Variants in RBFOX1 observed in about 807,000 individuals in gnomAD.
RBFOX1 encodes RNA binding protein fox-1 homolog 1.
In RBFOX1, 8 loss-of-function variants were observed where a neutral mutation model predicts 57.7. That is an observed-to-expected ratio of 0.14 (90% CI 0.08 to 0.25). The LOEUF is 0.25. RBFOX1 is among the 10% of genes least tolerant of loss of function. The probability of loss-of-function intolerance (pLI) is 1.00; values close to 1 mark genes in which losing one functional copy is unlikely to be tolerated. For synonymous variants in RBFOX1, 326 were observed against 222.4 expected (o/e 1.47, Z -4.15); for missense variants, 611 against 548.5 (o/e 1.11, Z -1.14).
intron 4 of RBFOX1, among the ~76,000 whole-genome samples, chr16:7,302,146 G>T (rs1341804010): frequency 6.6e-6 from 1 of 152,114 alleles, no homozygotes; most frequent in African/African-American, 2.4e-5. Flanking sequence ...ACATGCTACT[G>T]TGTCCCTGAT....
chr16:6,851,800 C>T (rs1030695772), intron 3 of RBFOX1, among the ~76,000 whole-genome samples: 1 of 152,198 alleles, frequency 6.6e-6, no homozygotes, highest in African/African-American at 2.4e-5. Context: ...TTAACTCCTT[C>T]CTCTGGGCAT....
At chr16:5,515,491 T>C (rs2043759383) in intron 2 of RBFOX1, among the ~76,000 whole-genome samples, 1 of 152,218 alleles carries the variant, frequency 6.6e-6, no homozygotes. Flanking sequence ...TCCAACAAAA[T>C]GGTTCCCCAG....
chr16:6,895,199 G>C, intron 3 of RBFOX1, among the ~76,000 whole-genome samples: 1 of 151,742 alleles, frequency 6.6e-6, no homozygotes, highest in Non-Finnish European at 1.5e-5. Context: ...GATGTTCTAG[G>C]AATTAAAGAA....
At chr16:6,444,148 G>A (rs143203922) in intron 2 of RBFOX1, among the ~76,000 whole-genome samples, 12 of 152,220 alleles carry the variant, frequency 7.9e-5, no homozygotes, top group African/African-American at 2.4e-4. Flanking sequence ...TGTGAACCAC[G>A]GTTGAAGTCA....
chr16:5,888,074 G>A (rs550463911), intron 4 of RBFOX1, among the ~76,000 whole-genome samples: 3 of 152,190 alleles, frequency 2.0e-5, no homozygotes, highest in Non-Finnish European at 4.4e-5. Flanking sequence ...CTGCAAGATT[G>A]TGTTCCTGCT....
At chr16:6,355,160 G>C (rs2087061628) in intron 2 of RBFOX1, among the ~76,000 whole-genome samples, 1 of 152,108 alleles carries the variant, frequency 6.6e-6, no homozygotes, top group Admixed American at 6.5e-5. Context: ...TATACTTTAA[G>C]TTCTGGGGTA....
At chr16:6,677,262 C>T (rs908958182) in intron 3 of RBFOX1, among the ~76,000 whole-genome samples, 2 of 152,168 alleles carry the variant, frequency 1.3e-5, no homozygotes, top group Non-Finnish European at 2.9e-5. Context: ...AATTTAGCTC[C>T]TGTTAGAAGG....
At chr16:7,517,797 A>T (rs1165860883) in intron 4 of RBFOX1, among the ~76,000 whole-genome samples, 1 of 149,898 alleles carries the variant, frequency 6.7e-6, no homozygotes. Context: ...AGCTTCCAAA[A>T]TGGGAATGAA....
At chr16:7,631,023 G>T (rs1555691554) in intron 11 of RBFOX1, among the ~76,000 whole-genome samples, 1 of 152,170 alleles carries the variant, frequency 6.6e-6, no homozygotes, top group Non-Finnish European at 1.5e-5. Context: ...GCATATACAG[G>T]CCACCCCAAA....
At chr16:7,147,499 C>G (rs965436820) in intron 4 of RBFOX1, among the ~76,000 whole-genome samples, 1 of 152,044 alleles carries the variant, frequency 6.6e-6, no homozygotes. Context: ...TCTCCAGTGT[C>G]TTTTGCTCTT....
intron 2 of RBFOX1, among the ~76,000 whole-genome samples, chr16:6,412,559 C>CT (rs1188256935): frequency 5.3e-5 from 8 of 152,288 alleles, no homozygotes; most frequent in African/African-American, 1.9e-4. Flanking sequence ...TCTTTGAAAC[C>CT]TTTTTGTTTT....
At position 6,843,573 on chromosome 16, in the gene RBFOX1, C is replaced by G. The variant is rs533114781; in HGVS notation, c.-16+188923C>G. 3.9e-5 allele frequency among the ~76,000 whole-genome samples: 6 copies of G among 152,180 alleles called. No homozygotes were observed. In the East Asian group the frequency reaches 1.2e-3, roughly 29 times the overall value. On this transcript the variant is annotated intron_variant, in intron 3 of 15. Coordinates refer to ENST00000550418, the MANE Select transcript of RBFOX1 (RefSeq NM_018723.4). ...GCATGGTGGCGGGCACCTGTAGTCC[C>G]AGCTACTCAGGACGTTGAGGCAGGA... is the stretch of plus-strand genomic sequence containing the variant.
intron 1 of RBFOX1, among the ~76,000 whole-genome samples, chr16:5,456,850 C>T (rs2068645251): frequency 6.6e-6 from 1 of 152,204 alleles, no homozygotes; most frequent in Non-Finnish European, 1.5e-5. Context: ...GAGACCCCGC[C>T]TTGCCTCAAG....
chr16:5,657,732 C>CTTTTTTTTT lies in RBFOX1; in HGVS notation c.318+58775_318+58776insTTTTTTTTT, dbSNP rs71386513. On this transcript the variant is annotated intron_variant, in intron 3 of 19. Transcript: ENST00000641259. ...TTTCTCTCTTTCTTTTGTTTCTTTTCTTTTCTTTTTTTTTTTTTGAGACAG... is the reference window on the plus strand; with the variant it reads ...TTTCTCTCTTTCTTTTGTTTCTTTTCTTTTTTTTTTTTTCTTTTTTTTTTTTTGAGACAG... Among the ~76,000 whole-genome samples, 2 of 98,352 alleles carry CTTTTTTTTT rather than the reference C, an allele frequency of 2.0e-5. 1 individual carries two copies. The allele number at this position is 98,352 out of a possible 152,430, so 64.5% of individuals were successfully genotyped here. A position where few individuals can be genotyped will look rare whatever the true frequency, so the allele number is the denominator to read the frequency against.
At chr16:6,955,391 C>G (rs1464837863) in intron 3 of RBFOX1, among the ~76,000 whole-genome samples, 1 of 152,020 alleles carries the variant, frequency 6.6e-6, no homozygotes, top group Non-Finnish European at 1.5e-5. Context: ...TACACACACT[C>G]AAAACCCCTG....
intron 3 of RBFOX1, among the ~76,000 whole-genome samples, chr16:7,000,441 C>G (rs1038838528): frequency 6.6e-6 from 1 of 152,082 alleles, no homozygotes. Context: ...GCAACAGTCT[C>G]TACATAGTCT....
At chr16:6,142,433 G>A (rs1197515390) in intron 1 of RBFOX1, among the ~76,000 whole-genome samples, 3 of 152,022 alleles carry the variant, frequency 2.0e-5, no homozygotes, top group South Asian at 4.2e-4. Context: ...ATGTTAGCCA[G>A]GATGGTCTCG....
At chr16:7,584,203 T>G (rs1344553561) in intron 6 of RBFOX1, among the ~76,000 whole-genome samples, 1 of 152,200 alleles carries the variant, frequency 6.6e-6, no homozygotes, top group Admixed American at 6.5e-5. Flanking sequence ...TCCCTCACAG[T>G]TTTTCAGAGA....
In RBFOX1 at chr16:7,469,772, C is replaced by T. The variant is rs59331587; in HGVS notation, c.28-48375C>T. The stretch of plus-strand genomic sequence containing the variant: ...TATTTATATTGTTGTGCAATTACTA[C>T]CATTGATCTCCAGAACTTTTTCATC... On this transcript the variant is annotated intron_variant, in intron 4 of 15. Transcript: ENST00000550418. 7.3e-3 allele frequency among the ~76,000 whole-genome samples: 1,104 copies of T among 152,238 alleles called. 13 individuals are homozygous for T. The highest frequency in any genetic ancestry group is 0.025 in the African/African-American group (1,020 of 41,542).
Sources: allele counts gnomAD v4.1 joint callset (sites outside exome capture counted in the v4.1 genomes callset), GRCh38; gene constraint gnomAD v4.1.1; transcripts MANE v1.5; gene names NCBI Gene and HGNC (gene_info 2026-07-23, HGNC 2026-07-21).